Variants in DLGAP2 observed in about 807,000 individuals in gnomAD.
DLGAP2 encodes disks large-associated protein 2.
Under a neutral mutation model 100.3 loss-of-function variants are expected in DLGAP2, and 26 were observed. The ratio of observed to expected loss-of-function variants is 0.26; its 90% CI spans 0.19 to 0.36. The LOEUF (loss-of-function observed/expected upper bound fraction) is 0.36, where lower values mean the gene tolerates loss of function less well. DLGAP2 is among the 10% of genes least tolerant of loss of function. The pLI is 1.00. For missense variants in DLGAP2, 1,858 were observed against 1,453.2 expected, an observed-to-expected ratio of 1.28 and a Z score of -4.53; for synonymous variants, 886 against 630.1, an observed-to-expected ratio of 1.41 and a Z score of -6.08.
chr8:909,464 C>CT (rs1214965099), intron 2 of DLGAP2, among the ~76,000 whole-genome samples: 2,257 of 143,304 alleles, frequency 0.016, 74 homozygotes, highest in East Asian at 0.11. Context: ...TTTTCCTTGT[C>CT]TTTTTTTTTT....
chr8:1,694,301 A>G (rs1799324350), intron 13 of DLGAP2, among the ~76,000 whole-genome samples: 1 of 152,164 alleles, frequency 6.6e-6, no homozygotes, highest in South Asian at 2.1e-4. Flanking sequence ...TCGCTCATCA[A>G]AGCCAAATGG....
intron 3 of DLGAP2, among the ~76,000 whole-genome samples, chr8:1,398,340 C>T (rs1401986605): frequency 3.5e-4 from 2 of 5,742 alleles, no homozygotes; most frequent in African/African-American, 1.6e-3. Flanking sequence ...CCTCATCCTC[C>T]GGAGTCGTGT....
At chr8:1,163,193 C>A (rs1585113106) in intron 2 of DLGAP2, among the ~76,000 whole-genome samples, 2 of 152,224 alleles carry the variant, frequency 1.3e-5, no homozygotes, top group Admixed American at 6.5e-5. Context: ...AGGCCACTGA[C>A]GTGTCTGTGC....
At chr8:967,789 A>ATG (rs1799910106) in intron 2 of DLGAP2, among the ~76,000 whole-genome samples, 1 of 71,624 alleles carries the variant, frequency 1.4e-5, no homozygotes, top group Admixed American at 1.5e-4. Context: ...GTATATATAT[A>ATG]TATATACACC....
At chr8:1,566,967 G>T (rs950470608) in intron 6 of DLGAP2, among the ~76,000 whole-genome samples, 5 of 152,238 alleles carry the variant, frequency 3.3e-5, no homozygotes, top group African/African-American at 1.2e-4. Context: ...TGTCTGCCCA[G>T]CCCAGGCCCA....
intron 3 of DLGAP2, among the ~76,000 whole-genome samples, chr8:1,313,134 T>C (rs1800651644): frequency 6.6e-6 from 1 of 152,170 alleles, no homozygotes. Flanking sequence ...GGGGTGACAT[T>C]TACCTATGTC....
At chr8:1,053,067 A>G (rs1802768365) in intron 2 of DLGAP2, among the ~76,000 whole-genome samples, 1 of 152,224 alleles carries the variant, frequency 6.6e-6, no homozygotes, top group Non-Finnish European at 1.5e-5. Context: ...ATGTGGAGTA[A>G]CAAACAAGGA....
At chr8:1,295,892 G>T (rs994273923) in intron 3 of DLGAP2, 1 of 152,212 alleles carries the variant, frequency 6.6e-6, no homozygotes, top group Non-Finnish European at 1.5e-5. Context: ...GATTTCAGGA[G>T]CCTTAATTAA....
intron 1 of DLGAP2, among the ~76,000 whole-genome samples, chr8:852,897 C>T (rs748603331): frequency 2.7e-5 from 4 of 150,342 alleles, no homozygotes; most frequent in African/African-American, 7.4e-5. Context: ...TGGCCGATTC[C>T]GTTATTTCTG....
At position 1,085,540 on chromosome 8, in the gene DLGAP2, G is replaced by A. The variant is rs1034199315; in HGVS notation, c.74-173311G>A. On this transcript the variant is annotated intron_variant, in intron 2 of 14. Transcript: ENST00000637795. ...TTATTAAAGAGACTGTGCTTTTCCC[G>A]TGTGTATTCTCAGCGCCTTTATTGA... Among the ~76,000 whole-genome samples the A allele has an allele frequency of 6.6e-5, 10 of 152,260 alleles. No homozygotes were observed. The East Asian group carries it at 1.2e-3, about 18-fold the overall frequency.
intron 2 of DLGAP2, among the ~76,000 whole-genome samples, chr8:960,735 C>A (rs147752710): frequency 6.6e-6 from 1 of 152,084 alleles, no homozygotes; most frequent in Non-Finnish European, 1.5e-5. Context: ...AGTTATAGCC[C>A]GATAAACCTA....
chr8:1,472,104 G>A (rs138355794), intron 3 of DLGAP2, among the ~76,000 whole-genome samples: 39 of 152,368 alleles, frequency 2.6e-4, no homozygotes, highest in African/African-American at 7.5e-4. Flanking sequence ...GGCCTGAGGC[G>A]TAAACAAGTG....
intron 2 of DLGAP2, among the ~76,000 whole-genome samples, chr8:1,126,381 G>A (rs974632903): frequency 6.6e-6 from 1 of 152,018 alleles, no homozygotes; most frequent in Non-Finnish European, 1.5e-5. Flanking sequence ...AAGAGACACA[G>A]GCAGATGAGG....
At chr8:1,519,559 C>G (rs1239568860) in intron 4 of DLGAP2, among the ~76,000 whole-genome samples, 1 of 152,270 alleles carries the variant, frequency 6.6e-6, no homozygotes, top group Non-Finnish European at 1.5e-5. Flanking sequence ...TTCTCTGACC[C>G]TGATCCCCTT....
intron 3 of DLGAP2, among the ~76,000 whole-genome samples, chr8:1,390,004 G>T (rs576216682): frequency 6.6e-6 from 1 of 152,122 alleles, no homozygotes; most frequent in Non-Finnish European, 1.5e-5. Context: ...CTGCACCCAC[G>T]GAGTGTGTCT....
chr8:1,174,862 T>A (rs1010943768), intron 2 of DLGAP2, among the ~76,000 whole-genome samples: 4 of 152,150 alleles, frequency 2.6e-5, no homozygotes, highest in Non-Finnish European at 5.9e-5. Flanking sequence ...GTTTACAAAA[T>A]CCTAAGTGAG....
chr8:752,471 G>A (rs574610324), intron 1 of DLGAP2, among the ~76,000 whole-genome samples: 7 of 152,308 alleles, frequency 4.6e-5, no homozygotes, highest in African/African-American at 7.2e-5. Flanking sequence ...CGGTCGTGCC[G>A]CCAGGCAGAG....
intron 4 of DLGAP2, among the ~76,000 whole-genome samples, chr8:1,537,004 A>C (rs1196829940): frequency 1.3e-5 from 2 of 151,952 alleles, no homozygotes; most frequent in African/African-American, 4.8e-5. Context: ...CGGTACAATG[A>C]TTACGGGCCC....
intron 2 of DLGAP2, among the ~76,000 whole-genome samples, chr8:1,249,168 C>T (rs1798980995): frequency 6.6e-6 from 1 of 152,134 alleles, no homozygotes; most frequent in East Asian, 1.9e-4. Flanking sequence ...CCCTTGCCTG[C>T]TTTACTGCTG....
Sources: gnomAD v4.1 joint callset for allele counts (sites outside exome capture counted in the v4.1 genomes callset) on GRCh38, gnomAD v4.1.1 for gene constraint, MANE v1.5 for transcripts, NCBI Gene and HGNC (gene_info 2026-07-23, HGNC 2026-07-21) for gene names.